The following GLYATL1 variants were observed in gnomAD, a reference collection of about 807,000 sequenced individuals.
GLYATL1 encodes glycine N-acyltransferase-like protein 1.
Under a neutral mutation model 20.0 loss-of-function variants are expected in GLYATL1, and 15 were observed. The observed-to-expected ratio is 0.75, with a 90% CI of 0.50 to 1.15. The LOEUF (loss-of-function observed/expected upper bound fraction) is 1.15, where lower values mean the gene tolerates loss of function less well. Among genes scored for constraint, GLYATL1 ranks in the 50% most tolerant of loss-of-function variants. The pLI, the probability that GLYATL1 is intolerant of heterozygous loss-of-function variation, is 0.00. For missense variants in GLYATL1, 380 were observed against 368.5 expected, an observed-to-expected ratio of 1.03 and a Z score of -0.26; for synonymous variants, 151 against 131.5, an observed-to-expected ratio of 1.15 and a Z score of -1.01.
At chr11:58,950,386 TG>T (rs1856906935) in intron 4 of GLYATL1, among the ~76,000 whole-genome samples, 1 of 152,204 alleles carries the variant, frequency 6.6e-6, no homozygotes, top group South Asian at 2.1e-4. Context: ...GACATCACTT[TG>T]GGTGAATCAA....
chr11:58,939,186 T>C (rs556781797), upstream of GLYATL1, among the ~76,000 whole-genome samples: 1 of 152,318 alleles, frequency 6.6e-6, no homozygotes, highest in South Asian at 2.1e-4. Context: ...GATGATCCCA[T>C]CCAGACAATG....
upstream of GLYATL1, among the ~76,000 whole-genome samples, chr11:58,922,874 T>G (rs1023319166): frequency 1.3e-5 from 2 of 152,124 alleles, no homozygotes; most frequent in Non-Finnish European, 2.9e-5. Flanking sequence ...CCAACCGTGG[T>G]CATCACCTTA....
chr11:58,951,166 A>G (rs895486984), intron 4 of GLYATL1, among the ~76,000 whole-genome samples: 2 of 152,096 alleles, frequency 1.3e-5, no homozygotes, highest in African/African-American at 4.8e-5. Context: ...ATTTTGTCTT[A>G]CAGTGAGTTA....
At chr11:58,922,594 C>T (rs1320456890) in intron 1 of GLYATL1, among the ~76,000 whole-genome samples, 1 of 152,188 alleles carries the variant, frequency 6.6e-6, no homozygotes, top group Middle Eastern at 3.2e-3. Context: ...TTGAGCTTGA[C>T]TCCTCAGGGG....
downstream of GLYATL1, among the ~76,000 whole-genome samples, chr11:58,911,282 G>T (rs1050606307): frequency 3.9e-5 from 6 of 152,164 alleles, no homozygotes; most frequent in Non-Finnish European, 8.8e-5. Context: ...AAGCTGTTGG[G>T]AACATTTGCA....
chr11:58,906,213 T>A (rs977601645), intron 1 of GLYATL1, among the ~76,000 whole-genome samples: 14 of 152,160 alleles, frequency 9.2e-5, no homozygotes, highest in African/African-American at 3.4e-4. Context: ...AGGTTTTGGA[T>A]GGGGAGCTGG....
At chr11:58,917,696 A>AT (rs1275335218) in intron 1 of GLYATL1, among the ~76,000 whole-genome samples, 1 of 152,234 alleles carries the variant, frequency 6.6e-6, no homozygotes, top group Non-Finnish European at 1.5e-5. Context: ...TGCTGCATAG[A>AT]TAAAAACAGG....
At chr11:58,930,496 A>C (rs1855557678) in intron 1 of GLYATL1, among the ~76,000 whole-genome samples, 1 of 152,242 alleles carries the variant, frequency 6.6e-6, no homozygotes. Context: ...GAAACTAAAA[A>C]GATTTATAGA....
chr11:58,909,715 A>G (rs1031118093), downstream of GLYATL1, among the ~76,000 whole-genome samples: 3 of 152,220 alleles, frequency 2.0e-5, no homozygotes, highest in Non-Finnish European at 2.9e-5. Flanking sequence ...AATGCTTTCT[A>G]GACTGGTAAG....
Position 58,955,286 on chromosome 11 carries a change from A to G in GLYATL1, c.424A>G (p.Asn142Asp). 2 of 1,612,916 alleles carry G rather than the reference A, an allele frequency of 1.2e-6. No individual in the cohort carries two copies. Among genetic ancestry groups the G allele is most frequent in the Non-Finnish European group, 1.7e-6 (2 of 1,178,870 alleles). The change falls in exon 6 of 7, where the codon AAT becomes GAT. Residue 142 changes from asparagine (N) to aspartate (D), a missense_variant. Transcript: ENST00000532726. ...LLVTEDILKL[N>D]ASSKSKLGSW... ...GGTTACGGAAGATATTCTGAAGCTC[A>G]ATGCCTCCAGTAAAAGCAAGCTTGG...
intron 1 of GLYATL1, among the ~76,000 whole-genome samples, chr11:58,942,009 T>A (rs1281963784): frequency 6.6e-6 from 1 of 152,234 alleles, no homozygotes; most frequent in Admixed American, 6.5e-5. Context: ...CAATGTTTCA[T>A]GAATGCTGAC....
At chr11:58,906,720 C>T (rs759764873) in intron 1 of GLYATL1, among the ~76,000 whole-genome samples, 21 of 152,192 alleles carry the variant, frequency 1.4e-4, no homozygotes, top group Non-Finnish European at 1.5e-5. Flanking sequence ...CATCTTGTAG[C>T]ACGGTGGTTA....
chr11:58,909,222 G>A (rs1854980899), downstream of GLYATL1, among the ~76,000 whole-genome samples: 1 of 152,178 alleles, frequency 6.6e-6, no homozygotes, highest in Non-Finnish European at 1.5e-5. Context: ...ATGTAGAAGT[G>A]GTTGTCAGGG....
At chr11:58,948,465 C>G (rs992649169) in intron 4 of GLYATL1, among the ~76,000 whole-genome samples, 1 of 152,054 alleles carries the variant, frequency 6.6e-6, no homozygotes, top group Non-Finnish European at 1.5e-5. Flanking sequence ...ATAGTGAGAC[C>G]TCATCTCTAC....
At chr11:58,923,812 T>C (rs750172075), upstream of GLYATL1, among the ~76,000 whole-genome samples, 41 of 152,236 alleles carry the variant, frequency 2.7e-4, no homozygotes, top group Non-Finnish European at 4.4e-4. Flanking sequence ...TTACAATATA[T>C]TTTAAGACAA....
intron 1 of GLYATL1, chr11:58,928,488 C>T (rs1027460885): frequency 6.6e-6 from 1 of 152,254 alleles, no homozygotes; most frequent in African/African-American, 2.4e-5. Context: ...CTGCAGACCC[C>T]TGACTGTCCT....
upstream of GLYATL1, among the ~76,000 whole-genome samples, chr11:58,935,905 G>A (rs904081165): frequency 7.2e-5 from 11 of 152,086 alleles, no homozygotes; most frequent in African/African-American, 2.7e-4. Context: ...AACACATACA[G>A]CTTTTTGTAT....
intron 2 of GLYATL1, among the ~76,000 whole-genome samples, chr11:58,944,495 G>T (rs935393738): frequency 2.6e-5 from 4 of 151,930 alleles, no homozygotes; most frequent in African/African-American, 9.7e-5. Flanking sequence ...TGGTTCCATT[G>T]CCTTCCATGT....
chr11:58,913,842 C>G (rs1366559407), intron 1 of GLYATL1, among the ~76,000 whole-genome samples: 3 of 152,160 alleles, frequency 2.0e-5, no homozygotes, highest in Non-Finnish European at 4.4e-5. Flanking sequence ...ACAGAGGAAG[C>G]AGCAAGTACA....
Sources: gnomAD v4.1 joint callset for allele counts (sites outside exome capture counted in the v4.1 genomes callset) on GRCh38, gnomAD v4.1.1 for gene constraint, MANE v1.5 for transcripts, NCBI Gene and HGNC (gene_info 2026-07-23, HGNC 2026-07-21) for gene names.